The following GMPS variants were observed in gnomAD, a reference collection of about 807,000 sequenced individuals.
GMPS encodes the protein GMP synthase [glutamine-hydrolyzing].
In GMPS, 15 loss-of-function variants were observed where a neutral mutation model predicts 77.9. That is an observed-to-expected ratio of 0.19 (90% confidence interval 0.13 to 0.30). The LOEUF (loss-of-function observed/expected upper bound fraction) is 0.30. Among genes scored for constraint, GMPS ranks in the 10% least tolerant of loss-of-function variants. The pLI, the probability that GMPS is intolerant of heterozygous loss-of-function variation, is 1.00. For missense variants in GMPS, 590 were observed against 838.8 expected, an observed-to-expected ratio of 0.70 and a Z score of 3.66; for synonymous variants, 224 against 275.9, an observed-to-expected ratio of 0.81 and a Z score of 1.86.
chr3:155,918,963 G>A (rs1041305214), intron 9 of GMPS, among the ~76,000 whole-genome samples: 1 of 152,162 alleles, frequency 6.6e-6, no homozygotes, highest in Non-Finnish European at 1.5e-5. Context: ...ATGAGAATTA[G>A]ATCAGAGATG....
At position 155,940,476 on chromosome 3, in the gene GMPS, T is replaced by G. The variant is rs138307398; in HGVS notation, c.*2784T>G. 6.1e-5 allele frequency: 13 copies of G among 213,186 alleles called. No homozygotes were observed. The highest frequency in any genetic ancestry group is 2.5e-4 in the African/African-American group (11 of 44,386). 13.2% of individuals were successfully genotyped at this position (213,186 alleles called of 1,614,324 possible). On this transcript the variant is annotated 3_prime_UTR_variant, in exon 16 of 16. Coordinates refer to ENST00000496455, the MANE Select transcript of GMPS (RefSeq NM_003875.3). Reference sequence around the variant, plus strand: ...AATTTGTTTCCTCACTGTTTGGGCTTAACCTCCTGATAGCCTGTTTTACTG... The same window carrying G: ...AATTTGTTTCCTCACTGTTTGGGCTGAACCTCCTGATAGCCTGTTTTACTG...
At chr3:155,880,556 G>C (rs1390891165) in intron 1 of GMPS, among the ~76,000 whole-genome samples, 1 of 152,124 alleles carries the variant, frequency 6.6e-6, no homozygotes, top group Admixed American at 6.6e-5. Flanking sequence ...ATGTAGTTGA[G>C]TTTTGACATA....
chr3:155,875,715 A>AT (rs1366419400), intron 1 of GMPS, among the ~76,000 whole-genome samples: 1 of 152,132 alleles, frequency 6.6e-6, no homozygotes, highest in Admixed American at 6.5e-5. Flanking sequence ...GTAGAATATT[A>AT]TTTTTTTCAT....
chr3:155,881,512 A>G (rs1754206561), intron 1 of GMPS, among the ~76,000 whole-genome samples: 1 of 152,180 alleles, frequency 6.6e-6, no homozygotes, highest in Non-Finnish European at 1.5e-5. Flanking sequence ...TGGTGGTAGA[A>G]ACATCTTCAC....
At chr3:155,889,476 C>T (rs556735170) in intron 1 of GMPS, among the ~76,000 whole-genome samples, 8 of 152,138 alleles carry the variant, frequency 5.3e-5, no homozygotes, top group Non-Finnish European at 8.8e-5. Flanking sequence ...CCTTCTGGGT[C>T]GTACCTCTTG....
intron 2 of GMPS, among the ~76,000 whole-genome samples, chr3:155,895,711 G>A (rs1435870061): frequency 6.6e-6 from 1 of 152,192 alleles, no homozygotes; most frequent in Non-Finnish European, 1.5e-5. Context: ...TTTCAGAATA[G>A]CAGGATAGAA....
Position 155,939,708 on chromosome 3 carries a change from T to G in GMPS, c.*2016T>G, listed in dbSNP as rs985080860. The G allele has an allele frequency of 1.5e-5, 3 of 193,638 alleles. No individual in the cohort carries two copies. The highest frequency in any genetic ancestry group is 3.2e-5 in the Non-Finnish European group (3 of 92,910). The allele number at this position is 193,638 out of a possible 1,614,324, so 12.0% of individuals were successfully genotyped here. On this transcript the variant is annotated 3_prime_UTR_variant, in exon 16 of 16. Coordinates refer to ENST00000496455, the MANE Select transcript of GMPS (RefSeq NM_003875.3). ...AATATAATATTGGGAAAATTGTTACTCCAAAGCACATCTTGACATGACATA... is the reference window on the plus strand; with the variant it reads ...AATATAATATTGGGAAAATTGTTACGCCAAAGCACATCTTGACATGACATA...
intron 7 of GMPS, among the ~76,000 whole-genome samples, chr3:155,913,847 G>A (rs1425325002): frequency 6.6e-6 from 1 of 151,588 alleles, no homozygotes; most frequent in Non-Finnish European, 1.5e-5. Context: ...TGATGTCATG[G>A]CCCTAGATCT....
chr3:155,910,675 CTA>C lies in GMPS; in HGVS notation c.527-15_527-14del, dbSNP rs748849895. 7.4e-7 allele frequency: 1 copy of C among 1,349,678 alleles called. No homozygotes were observed. Among genetic ancestry groups the C allele is most frequent in the East Asian group, 2.6e-5 (1 of 38,310 alleles). 83.6% of individuals were successfully genotyped at this position (1,349,678 alleles called of 1,614,324 possible). A position where few individuals can be genotyped will look rare whatever the true frequency, so the allele number is the denominator to read the frequency against. On this transcript the variant is annotated splice_polypyrimidine_tract_variant and intron_variant, in intron 5 of 15. Transcript: ENST00000496455. ...AGCATGAAAAAATTTTAATTTGTGACTATTTTCTCTATAAAGGCATAGCAAAT... is the reference window on the plus strand; with the variant it reads ...AGCATGAAAAAATTTTAATTTGTGACTTTTCTCTATAAAGGCATAGCAAAT...
At chr3:155,877,852 G>C (rs1284824581) in intron 1 of GMPS, among the ~76,000 whole-genome samples, 1 of 146,884 alleles carries the variant, frequency 6.8e-6, no homozygotes, top group African/African-American at 2.5e-5. Flanking sequence ...CGCGATCTCA[G>C]CTCACTGCAA....
chr3:155,882,019 G>A (rs969939773), intron 1 of GMPS, among the ~76,000 whole-genome samples: 2 of 152,068 alleles, frequency 1.3e-5, no homozygotes, highest in African/African-American at 4.8e-5. Flanking sequence ...AGTGAGCTGA[G>A]GTCGCACCAC....
At chr3:155,896,559 T>C (rs1754607966) in intron 2 of GMPS, among the ~76,000 whole-genome samples, 1 of 151,950 alleles carries the variant, frequency 6.6e-6, no homozygotes, top group Admixed American at 6.6e-5. Flanking sequence ...TGAGTATTTT[T>C]TTTTTCTCTC....
chr3:155,910,396 T>C (rs1269079404), intron 5 of GMPS, among the ~76,000 whole-genome samples: 1 of 151,896 alleles, frequency 6.6e-6, no homozygotes, highest in Non-Finnish European at 1.5e-5. Flanking sequence ...AGTGAAACCC[T>C]ATCTCTACTA....
At chr3:155,900,339 T>C (rs1754706735) in intron 3 of GMPS, among the ~76,000 whole-genome samples, 1 of 151,778 alleles carries the variant, frequency 6.6e-6, no homozygotes, top group African/African-American at 2.4e-5. Flanking sequence ...GCCTGCACCC[T>C]GATTGAGTTG....
At chr3:155,926,071 A>C (rs1225650291) in intron 12 of GMPS, among the ~76,000 whole-genome samples, 1 of 152,104 alleles carries the variant, frequency 6.6e-6, no homozygotes, top group Non-Finnish European at 1.5e-5. Flanking sequence ...GAGTGCAGTG[A>C]TGTGATCATG....
rs960796407 is a variant in GMPS at position 155,911,374 on chromosome 3, C to T, written c.886+95C>T. ...TAAATGAGCACAATTACAGTTTTCT[C>T]AGTATGCTCAAGGTTGAAAATGTTT... On this transcript the variant is annotated intron_variant, in intron 7 of 15. Transcript: ENST00000496455. 2.0e-5 allele frequency: 14 copies of T among 687,726 alleles called. 1 individual carries two copies. The South Asian group carries it at 3.9e-4, about 19-fold the overall frequency. 42.6% of individuals were successfully genotyped at this position (687,726 alleles called of 1,614,324 possible).
chr3:155,926,251 G>T (rs1344218097), intron 12 of GMPS, among the ~76,000 whole-genome samples: 1 of 152,146 alleles, frequency 6.6e-6, no homozygotes, highest in Non-Finnish European at 1.5e-5. Context: ...GGCCTCAAGT[G>T]ATCCTTCACT....
chr3:155,903,968 AT>A lies in GMPS; in HGVS notation c.422+13del. On this transcript the variant is annotated intron_variant, in intron 4 of 15. Transcript: ENST00000496455. The stretch of plus-strand genomic sequence containing the variant: ...TACATGTTCATTATTCAGGTATTAC[AT>A]TTTTAGATGAATAAGAACAATAGTA... The A allele has an allele frequency of 1.9e-6, 2 of 1,068,028 alleles. No homozygotes were observed. The highest frequency in any genetic ancestry group is 1.5e-5 in the South Asian group (1 of 67,528). 66.2% of individuals were successfully genotyped at this position (1,068,028 alleles called of 1,614,324 possible).
intron 5 of GMPS, among the ~76,000 whole-genome samples, chr3:155,907,024 A>G (rs575943444): frequency 6.6e-6 from 1 of 152,330 alleles, no homozygotes; most frequent in South Asian, 2.1e-4. Context: ...TCTTTGAGAT[A>G]CCACACCTAA....
Sources: allele counts gnomAD v4.1 joint callset (sites outside exome capture counted in the v4.1 genomes callset), GRCh38; gene constraint gnomAD v4.1.1; transcripts MANE v1.5; gene names NCBI Gene and HGNC (gene_info 2026-07-23, HGNC 2026-07-21).